USP37: variants seen among roughly 807,000 people sequenced by gnomAD.
USP37 encodes the protein ubiquitin specific peptidase 37.
Under a neutral mutation model 124.0 loss-of-function variants are expected in USP37, and 27 were observed. The ratio of observed to expected loss-of-function variants is 0.22; its 90% CI spans 0.16 to 0.30. The LOEUF (loss-of-function observed/expected upper bound fraction) is 0.30. Among genes scored for constraint, USP37 ranks in the 10% least tolerant of loss-of-function variants. USP37 has a pLI of 1.00. For synonymous variants in USP37, 365 were observed against 388.0 expected, an observed-to-expected ratio of 0.94 and a Z score of 0.70; for missense variants, 889 against 1,140.4, an observed-to-expected ratio of 0.78 and a Z score of 3.17.
intron 8 of USP37, among the ~76,000 whole-genome samples, chr2:218,545,731 G>A (rs1253372692): frequency 6.6e-6 from 1 of 151,856 alleles, no homozygotes; most frequent in Non-Finnish European, 1.5e-5. Context: ...GAGTTGGCGA[G>A]CACCCTGGGT....
At chr2:218,486,410 CA>C (rs1455999592) in intron 15 of USP37, 1 of 152,164 alleles carries the variant, frequency 6.6e-6, no homozygotes, top group Non-Finnish European at 1.5e-5. Flanking sequence ...ATTTAATAAA[CA>C]GATTTTTTTG....
At chr2:218,558,706 A>C in intron 3 of USP37, 29 bp from the exon 4 acceptor site, 1 of 1,506,294 alleles carries the variant, frequency 6.6e-7, no homozygotes, top group Non-Finnish European at 9.0e-7. Context: ...ATATACCTTT[A>C]CCTGGCAGGT....
At chr2:218,456,140 GTCT>G (rs1480916469) in intron 24 of USP37, among the ~76,000 whole-genome samples, 1 of 151,890 alleles carries the variant, frequency 6.6e-6, no homozygotes, top group Non-Finnish European at 1.5e-5. Context: ...TCAACACTGT[GTCT>G]AAAACCCATT....
chr2:218,550,009 C>T (rs927714736), intron 5 of USP37, 100 bp from the exon 6 acceptor site: 17 of 849,500 alleles, frequency 2.0e-5, no homozygotes, highest in Admixed American at 7.2e-5. Flanking sequence ...AAGAAATGGA[C>T]GAAACAGCAG....
At chr2:218,458,926 A>G (rs1030672504) in intron 23 of USP37, among the ~76,000 whole-genome samples, 1 of 152,100 alleles carries the variant, frequency 6.6e-6, no homozygotes, top group Non-Finnish European at 1.5e-5. Context: ...AATGAAATAA[A>G]AACTATACTT....
intron 10 of USP37, among the ~76,000 whole-genome samples, chr2:218,520,381 T>C (rs913399593): frequency 5.3e-5 from 8 of 150,324 alleles, no homozygotes; most frequent in African/African-American, 2.0e-4. Flanking sequence ...CAGAGTTTTG[T>C]TCTTGTTGCC....
chr2:218,540,991 C>T (rs1009648735), intron 8 of USP37, among the ~76,000 whole-genome samples: 1 of 152,154 alleles, frequency 6.6e-6, no homozygotes, highest in Admixed American at 6.5e-5. Flanking sequence ...CTGCAATACC[C>T]TTTAAAAGTG....
chr2:218,487,178 G>A (rs1227379579), intron 15 of USP37, among the ~76,000 whole-genome samples: 1 of 152,138 alleles, frequency 6.6e-6, no homozygotes, highest in Non-Finnish European at 1.5e-5. Flanking sequence ...TTATGCCCCA[G>A]AAACTTTCTC....
intron 8 of USP37, among the ~76,000 whole-genome samples, chr2:218,537,642 G>A (rs899687810): frequency 2.6e-5 from 4 of 152,208 alleles, no homozygotes; most frequent in Non-Finnish European, 2.9e-5. Context: ...CAGATAAGAT[G>A]TAGGTGATAT....
At chr2:218,566,177 T>C (rs1693585783) in intron 1 of USP37, among the ~76,000 whole-genome samples, 1 of 152,210 alleles carries the variant, frequency 6.6e-6, no homozygotes, top group Non-Finnish European at 1.5e-5. Context: ...TGAGAAGGTA[T>C]CACTTAAGTT....
At chr2:218,553,323 C>T (rs1692769695) in intron 5 of USP37, among the ~76,000 whole-genome samples, 1 of 152,190 alleles carries the variant, frequency 6.6e-6, no homozygotes, top group Non-Finnish European at 1.5e-5. Context: ...TTTTCATCTG[C>T]AACAATTCAG....
rs1692317908 is a variant in USP37 at position 218,546,285 on chromosome 2, T to C, written c.616A>G (p.Lys206Glu). The C allele has an allele frequency of 5.0e-6, 8 of 1,612,584 alleles. No individual in the cohort carries two copies. The highest frequency in any genetic ancestry group is 6.8e-6 in the Non-Finnish European group (8 of 1,179,518). The change falls in exon 8 of 26, where the codon AAA becomes GAA. Residue 206 changes from lysine to glutamate, a missense_variant. Lys to Glu is a moderately conservative substitution (Grantham distance 56). Around this residue, in one of 3 missense-constraint regions of USP37, gnomAD observed 374 missense variants for 386.0 expected, o/e 0.97. Coordinates refer to ENST00000258399, the MANE Select transcript of USP37 (RefSeq NM_020935.3). ...TCTGAGCCAGTTGATATCATTCTTTTCCTCTTTTCAGTACTACAGAGAACA... is the reference window on the plus strand; with the variant it reads ...TCTGAGCCAGTTGATATCATTCTTTCCCTCTTTTCAGTACTACAGAGAACA... The part of the protein sequence containing the change: ...GLLENRTEKR[K>E]RMISTGSELN...
chr2:218,530,442 C>T (rs1397917526), intron 9 of USP37, among the ~76,000 whole-genome samples: 3 of 152,212 alleles, frequency 2.0e-5, no homozygotes, highest in African/African-American at 4.8e-5. Flanking sequence ...GTACCACGAA[C>T]TGCACCCATA....
intron 14 of USP37, among the ~76,000 whole-genome samples, chr2:218,491,299 A>G (rs1383427131): frequency 6.6e-6 from 1 of 152,220 alleles, no homozygotes; most frequent in Non-Finnish European, 1.5e-5. Context: ...TGAGGGGGCC[A>G]TGTGGCAAGG....
chr2:218,470,990 A>G (rs1019255448), intron 20 of USP37, among the ~76,000 whole-genome samples: 21 of 152,224 alleles, frequency 1.4e-4, no homozygotes, highest in Admixed American at 9.8e-4. Flanking sequence ...AAAGAGAGAA[A>G]TAAGTACAGA....
chr2:218,473,954 G>C (rs991948210), intron 20 of USP37, among the ~76,000 whole-genome samples: 6 of 152,166 alleles, frequency 3.9e-5, no homozygotes, highest in Admixed American at 6.5e-5. Flanking sequence ...AACCTGTAAA[G>C]CATGTTACTG....
chr2:218,507,191 T>C (rs1012802865), intron 11 of USP37, among the ~76,000 whole-genome samples: 4 of 151,942 alleles, frequency 2.6e-5, no homozygotes, highest in African/African-American at 9.7e-5. Flanking sequence ...AGATGGAGTC[T>C]CACAGTTGTC....
intron 17 of USP37, among the ~76,000 whole-genome samples, chr2:218,481,812 C>T (rs1433201798): frequency 1.3e-5 from 2 of 151,718 alleles, no homozygotes; most frequent in Non-Finnish European, 2.9e-5. Context: ...TGCCACCATG[C>T]TGGCTTTATT....
intron 1 of USP37, among the ~76,000 whole-genome samples, chr2:218,567,857 G>C (rs936501455): frequency 5.5e-4 from 84 of 152,188 alleles, no homozygotes; most frequent in African/African-American, 2.0e-3. Context: ...TGGATGTGCC[G>C]TAACGAAAGT....
Sources: allele counts gnomAD v4.1 joint callset (sites outside exome capture counted in the v4.1 genomes callset), GRCh38; gene constraint gnomAD v4.1.1; regional missense constraint gnomAD v4.1.1; transcripts MANE v1.5; gene names NCBI Gene and HGNC (gene_info 2026-07-23, HGNC 2026-07-21).